The following CACNA1C variants were observed in gnomAD, a reference collection of about 807,000 sequenced individuals.
CACNA1C encodes the protein voltage-dependent L-type calcium channel subunit alpha-1C.
CACNA1C carries 30 observed loss-of-function variants against 229.0 expected under a neutral mutation model. That is an observed-to-expected ratio of 0.13 (90% CI 0.10 to 0.18). The LOEUF is 0.18. CACNA1C is among the 10% of genes least tolerant of loss of function. The pLI, the probability that CACNA1C is intolerant of heterozygous loss-of-function variation, is 1.00. For missense variants in CACNA1C, 1,658 were observed against 2,845.0 expected, an observed-to-expected ratio of 0.58 and a Z score of 9.49; for synonymous variants, 1,114 against 1,132.5, an observed-to-expected ratio of 0.98 and a Z score of 0.33.
Position 2,605,673 on chromosome 12 carries a change from C to T in CACNA1C, c.3049-6C>T. ...ACGTCCCTCTCCCCGTCCCTTCCCA[C>T]TGCAGCATGTGGTTCAGTGTGTGTT... On this transcript the variant is annotated splice_region_variant and splice_polypyrimidine_tract_variant and intron_variant, in intron 23 of 46. Coordinates refer to ENST00000399655, the MANE Select transcript of CACNA1C (RefSeq NM_000719.7). This position sits in a 1 kb window ranked among gnomAD's most constrained non-coding sequence, Gnocchi z 6.2. The T allele has an allele frequency of 6.2e-7, 1 of 1,610,372 alleles. No individual in the cohort carries two copies. The highest frequency in any genetic ancestry group is 8.5e-7 in the Non-Finnish European group (1 of 1,176,660).
intron 3 of CACNA1C, among the ~76,000 whole-genome samples, chr12:2,280,967 CT>C (rs969744466): frequency 9.9e-5 from 15 of 152,126 alleles, no homozygotes; most frequent in Non-Finnish European, 1.9e-4. Flanking sequence ...AGTATACATC[CT>C]TTTTTTATTA....
chr12:2,405,125 T>C (rs2098721783), intron 3 of CACNA1C, among the ~76,000 whole-genome samples: 1 of 152,272 alleles, frequency 6.6e-6, no homozygotes, highest in Non-Finnish European at 1.5e-5. Flanking sequence ...TACATTCTAC[T>C]GATCCAAGTC....
chr12:2,163,882 G>A (rs546298726), intron 3 of CACNA1C, among the ~76,000 whole-genome samples: 72 of 152,228 alleles, frequency 4.7e-4, no homozygotes, highest in Non-Finnish European at 8.2e-4. Context: ...CTGGCTTCTC[G>A]GGCTCTGGGT....
At chr12:2,399,760 C>A (rs536731873) in intron 3 of CACNA1C, among the ~76,000 whole-genome samples, 2 of 152,316 alleles carry the variant, frequency 1.3e-5, no homozygotes, top group South Asian at 4.1e-4. Flanking sequence ...GGGTGGAACC[C>A]TTGCCAGGGA....
intron 5 of CACNA1C, among the ~76,000 whole-genome samples, chr12:2,474,659 G>A (rs1365378881): frequency 6.6e-6 from 1 of 151,872 alleles, no homozygotes; most frequent in South Asian, 2.1e-4. Context: ...GGGAGGCTGA[G>A]GCAAGAGAAT....
chr12:2,600,948 C>T (rs576608561), intron 21 of CACNA1C, among the ~76,000 whole-genome samples: 1 of 152,270 alleles, frequency 6.6e-6, no homozygotes, highest in East Asian at 1.9e-4. Flanking sequence ...TAGGGTAGAC[C>T]TTATCCTCAT....
chr12:2,678,331 CTTTGA>C lies in CACNA1C; in HGVS notation c.5091+465_5091+469del, dbSNP rs1434922989. Reference sequence around the variant, plus strand: ...GGGCCGGAGCCTAGAGGCGGTGGCCCTTTGAGATGGAGCATAGCGTGTGTTCTCCA... The same window carrying C: ...GGGCCGGAGCCTAGAGGCGGTGGCCCGATGGAGCATAGCGTGTGTTCTCCA... On this transcript the variant is annotated intron_variant, in intron 41 of 46. Transcript: ENST00000399655. This position sits in a 1 kb window ranked among gnomAD's most constrained non-coding sequence, Gnocchi z 4.1. Among the ~76,000 whole-genome samples, 2 of 152,140 alleles carry C rather than the reference CTTTGA, an allele frequency of 1.3e-5. No homozygotes were observed. Among genetic ancestry groups the C allele is most frequent in the Non-Finnish European group, 1.5e-5 (1 of 68,018 alleles).
intron 3 of CACNA1C, among the ~76,000 whole-genome samples, chr12:2,447,967 T>A (rs2099315806): frequency 6.6e-6 from 1 of 152,180 alleles, no homozygotes; most frequent in South Asian, 2.1e-4. Context: ...GTGGCTCCAG[T>A]GAGGGATGGC....
At chr12:2,328,082 G>C (rs994097311) in intron 3 of CACNA1C, among the ~76,000 whole-genome samples, 1 of 152,246 alleles carries the variant, frequency 6.6e-6, no homozygotes, top group Non-Finnish European at 1.5e-5. Flanking sequence ...AGCCAAAAGA[G>C]TAGTTTCATT....
At chr12:2,258,582 C>G (rs1009316846) in intron 3 of CACNA1C, among the ~76,000 whole-genome samples, 1 of 152,160 alleles carries the variant, frequency 6.6e-6, no homozygotes, top group Non-Finnish European at 1.5e-5. Flanking sequence ...TTTTCCGAGC[C>G]CATAAGGCTC....
chr12:2,321,242 G>A (rs1401955626), intron 3 of CACNA1C, among the ~76,000 whole-genome samples: 3 of 152,032 alleles, frequency 2.0e-5, no homozygotes, highest in Admixed American at 6.5e-5. Context: ...GGAAGAGCAG[G>A]TGCCTGTACT....
At chr12:2,534,541 A>G (rs2154586313) in intron 9 of CACNA1C, among the ~76,000 whole-genome samples, 1 of 151,910 alleles carries the variant, frequency 6.6e-6, no homozygotes, top group East Asian at 1.9e-4. Flanking sequence ...GTAGAGCTTA[A>G]TTTTTTTTTC....
intron 29 of CACNA1C, among the ~76,000 whole-genome samples, chr12:2,620,030 C>T (rs904623110): frequency 6.6e-6 from 1 of 152,174 alleles, no homozygotes; most frequent in African/African-American, 2.4e-5. Context: ...GATCAAGTAA[C>T]ATTTAGAAGC....
intron 3 of CACNA1C, among the ~76,000 whole-genome samples, chr12:2,357,681 A>AAAAT (rs1263586311): frequency 1.3e-5 from 2 of 150,800 alleles, no homozygotes; most frequent in African/African-American, 4.9e-5. Context: ...AAAAAAAAAA[A>AAAAT]AGGAATCGGC....
chr12:2,483,181 C>G (rs1409406680), intron 5 of CACNA1C, among the ~76,000 whole-genome samples: 1 of 152,144 alleles, frequency 6.6e-6, no homozygotes, highest in South Asian at 2.1e-4. Context: ...ATTGGAGGCA[C>G]GAAGCCAGAG....
chr12:2,438,114 G>A (rs1372743965), intron 3 of CACNA1C, among the ~76,000 whole-genome samples: 1 of 150,392 alleles, frequency 6.6e-6, no homozygotes, highest in Non-Finnish European at 1.5e-5. Flanking sequence ...GATAGTGATA[G>A]TAGAGGTAGT....
At chr12:2,459,365 A>G (rs1238524179) in intron 5 of CACNA1C, among the ~76,000 whole-genome samples, 3 of 151,886 alleles carry the variant, frequency 2.0e-5, no homozygotes, top group African/African-American at 7.3e-5. Flanking sequence ...CTACACTATA[A>G]GCCCCTTGAA....
intron 1 of CACNA1C, among the ~76,000 whole-genome samples, chr12:2,079,989 G>C (rs1276805985): frequency 6.6e-6 from 1 of 152,222 alleles, no homozygotes; most frequent in Non-Finnish European, 1.5e-5. Flanking sequence ...GGCTGGGTGT[G>C]GTGGCTCACA....
chr12:2,513,099 C>T, intron 9 of CACNA1C, 115 bp downstream of exon 9: 1 of 718,276 alleles, frequency 1.4e-6, no homozygotes, highest in Non-Finnish European at 2.2e-6. Flanking sequence ...GGGGTGCCTT[C>T]CTGGAGCAGC....
Sources: allele counts gnomAD v4.1 joint callset (sites outside exome capture counted in the v4.1 genomes callset), GRCh38; gene constraint gnomAD v4.1.1; non-coding constraint Gnocchi (gnomAD v3.1); transcripts MANE v1.5; gene names NCBI Gene and HGNC (gene_info 2026-07-23, HGNC 2026-07-21).